Variants in DOCK4 observed in about 807,000 individuals in gnomAD.
The protein encoded by DOCK4 is dedicator of cytokinesis protein 4.
In DOCK4, 97 loss-of-function variants were observed where a neutral mutation model predicts 268.1. That is an observed-to-expected ratio of 0.36 (90% confidence interval 0.31 to 0.43). The LOEUF (loss-of-function observed/expected upper bound fraction) is 0.43, where lower values mean the gene tolerates loss of function less well. Among genes scored for constraint, DOCK4 ranks in the 20% least tolerant of loss-of-function variants. The pLI, the probability that DOCK4 is intolerant of heterozygous loss-of-function variation, is 1.00. For missense variants in DOCK4, 2,145 were observed against 2,455.7 expected, an observed-to-expected ratio of 0.87 and a Z score of 2.67; for synonymous variants, 954 against 887.2, an observed-to-expected ratio of 1.08 and a Z score of -1.34.
At chr7:111,860,803 C>A (rs113251836) in intron 23 of DOCK4, among the ~76,000 whole-genome samples, 12 of 152,296 alleles carry the variant, frequency 7.9e-5, no homozygotes, top group African/African-American at 2.4e-4. Context: ...ACAGCAGGTT[C>A]TTCTCTGTGT....
At position 112,120,099 on chromosome 7, in the gene DOCK4, G is replaced by A. The variant is rs577092909; in HGVS notation, c.37+86003C>T. ...CCTGACCTAGTGATCCGCCCGCCTC[G>A]GCCTCCCAAAGTGCTGGGATTACAA... On this transcript the variant is annotated intron_variant, in intron 1 of 52. Coordinates refer to ENST00000428084, the MANE Select transcript of DOCK4 (RefSeq NM_001363540.2). Among the ~76,000 whole-genome samples, 81 of 152,032 alleles carry A rather than the reference G, an allele frequency of 5.3e-4. 1 individual carries two copies. Among genetic ancestry groups the A allele is most frequent in the South Asian group, 2.7e-3 (13 of 4,800 alleles).
chr7:111,815,986 T>C (rs571516086), intron 27 of DOCK4, among the ~76,000 whole-genome samples: 133 of 152,254 alleles, frequency 8.7e-4, no homozygotes, highest in African/African-American at 3.0e-3. Context: ...GTAGGATCAT[T>C]TTTGACAATC....
At chr7:112,064,648 C>T (rs1405373162) in intron 1 of DOCK4, among the ~76,000 whole-genome samples, 1 of 151,658 alleles carries the variant, frequency 6.6e-6, no homozygotes, top group Admixed American at 6.6e-5. Context: ...TTGCCAACTA[C>T]AAGACAGCAG....
chr7:112,131,492 G>A (rs1449172231), intron 1 of DOCK4, among the ~76,000 whole-genome samples: 2 of 152,056 alleles, frequency 1.3e-5, no homozygotes, highest in Non-Finnish European at 2.9e-5. Context: ...CCTTAAGGGT[G>A]CCCATGTCTT....
At chr7:111,771,602 G>A (rs1220801104) in intron 36 of DOCK4, among the ~76,000 whole-genome samples, 2 of 152,156 alleles carry the variant, frequency 1.3e-5, no homozygotes, top group African/African-American at 4.8e-5. Context: ...CCTCAGAAGG[G>A]TGCTGTTATT....
intron 42 of DOCK4, among the ~76,000 whole-genome samples, chr7:111,752,511 A>T (rs554405203): frequency 3.6e-4 from 55 of 152,020 alleles, no homozygotes; most frequent in African/African-American, 1.3e-3. Flanking sequence ...TTGGATTTTT[A>T]AAAAATCATT....
At chr7:111,899,539 A>T (rs1790954634) in intron 15 of DOCK4, among the ~76,000 whole-genome samples, 1 of 152,190 alleles carries the variant, frequency 6.6e-6, no homozygotes, top group African/African-American at 2.4e-5. Context: ...AAAAAAATGG[A>T]AATAGAAATA....
chr7:111,923,564 C>T (rs916242930), intron 12 of DOCK4, among the ~76,000 whole-genome samples: 2 of 152,084 alleles, frequency 1.3e-5, no homozygotes, highest in African/African-American at 2.4e-5. Flanking sequence ...TTTATCTGGG[C>T]ATTTTATCCT....
chr7:111,732,657 G>C (rs1289066044), intron 51 of DOCK4: 3 of 213,636 alleles, frequency 1.4e-5, no homozygotes, highest in Non-Finnish European at 2.8e-5. Flanking sequence ...AGCAGTTCTT[G>C]GGGAACAGCT....
chr7:111,796,096 C>G (rs539191162), intron 30 of DOCK4, among the ~76,000 whole-genome samples: 1 of 152,212 alleles, frequency 6.6e-6, no homozygotes, highest in African/African-American at 2.4e-5. Context: ...CCTGGGGCAT[C>G]TGGGAGGTCC....
rs1586692763 is a variant in DOCK4, at chr7:112,036,838, T to C, written c.38-32707A>G. 2.0e-5 allele frequency among the ~76,000 whole-genome samples: 3 copies of C among 152,102 alleles called. No homozygotes were observed. The East Asian group carries it at 5.8e-4, about 29-fold the overall frequency. The stretch of plus-strand genomic sequence containing the variant: ...ACCACACCCAGCTAATTTTTGTATT[T>C]TTAGTAAAGAAGGGGTTTCACTATG... On this transcript the variant is annotated intron_variant, in intron 1 of 52. Transcript: ENST00000428084.
At chr7:112,000,192 C>T (rs1031436535) in intron 3 of DOCK4, among the ~76,000 whole-genome samples, 22 of 152,030 alleles carry the variant, frequency 1.4e-4, no homozygotes, top group Non-Finnish European at 2.2e-4. Context: ...TGTATTTCCC[C>T]TGCCTGAATT....
chr7:111,861,011 G>A (rs1162484048), intron 23 of DOCK4, among the ~76,000 whole-genome samples: 6 of 152,208 alleles, frequency 3.9e-5, no homozygotes, highest in Non-Finnish European at 5.9e-5. Context: ...TATCTGGTCA[G>A]TGTGGGAGAA....
intron 25 of DOCK4, among the ~76,000 whole-genome samples, chr7:111,835,942 T>G (rs1470470255): frequency 6.6e-6 from 1 of 152,178 alleles, no homozygotes. Flanking sequence ...ATTATCTATA[T>G]ACATTTTTTA....
chr7:112,189,746 GTTTTTTTTT>G (rs57399750), intron 1 of DOCK4, among the ~76,000 whole-genome samples: 1 of 95,776 alleles, frequency 1.0e-5, no homozygotes, highest in Non-Finnish European at 1.9e-5. Context: ...TCTGGGTTTT[GTTTTTTTTT>G]TTTTTTTTTT....
intron 1 of DOCK4, among the ~76,000 whole-genome samples, chr7:112,012,970 A>C (rs901314600): frequency 1.3e-5 from 2 of 152,180 alleles, no homozygotes; most frequent in African/African-American, 4.8e-5. Context: ...AGGCCAGCCC[A>C]GTATCATGAA....
rs1328249879 is a variant in DOCK4 at position 111,853,392 on chromosome 7, T to A, written c.2474-6266A>T. ...TAAACAAGGGAGGCAGAAGGACATG[T>A]GGCAGCACAGCTTTGCATGTAGCAG... On this transcript the variant is annotated intron_variant, in intron 23 of 52. Coordinates refer to ENST00000428084, the MANE Select transcript of DOCK4 (RefSeq NM_001363540.2). Among the ~76,000 whole-genome samples the A allele has an allele frequency of 2.6e-5, 4 of 152,210 alleles. No homozygotes were observed. The East Asian group carries it at 7.7e-4, about 29-fold the overall frequency.
intron 1 of DOCK4, among the ~76,000 whole-genome samples, chr7:112,064,772 T>A (rs975798864): frequency 1.3e-5 from 2 of 152,160 alleles, no homozygotes; most frequent in Non-Finnish European, 2.9e-5. Context: ...GGTGATTAAG[T>A]TAAAATGAGG....
intron 1 of DOCK4, among the ~76,000 whole-genome samples, chr7:112,072,329 T>C (rs1433909710): frequency 1.3e-5 from 2 of 152,230 alleles, no homozygotes. Context: ...GAATCTTTAC[T>C]AAACTACACA....
Sources: gnomAD v4.1 joint callset for allele counts (sites outside exome capture counted in the v4.1 genomes callset) on GRCh38, gnomAD v4.1.1 for gene constraint, MANE v1.5 for transcripts, NCBI Gene and HGNC (gene_info 2026-07-23, HGNC 2026-07-21) for gene names.